The following NDUFAF7 variants were observed in gnomAD, a reference collection of about 807,000 sequenced individuals.
NDUFAF7 encodes NADH:ubiquinone oxidoreductase complex assembly factor 7.
A neutral mutation model predicts 47.2 loss-of-function variants in NDUFAF7; 48 were observed. The observed-to-expected ratio is 1.02, with a 90% CI of 0.81 to 1.29. The LOEUF is 1.29. Among genes scored for constraint, NDUFAF7 ranks in the 50% most tolerant of loss-of-function variants. The pLI, the probability that NDUFAF7 is intolerant of heterozygous loss-of-function variation, is 0.00. For missense variants in NDUFAF7, 635 were observed against 537.6 expected (o/e 1.18, Z -1.79); for synonymous variants, 217 against 190.0 (o/e 1.14, Z -1.17).
At chr2:37,267,008 T>G in the NDUFAF7 span, among the ~76,000 whole-genome samples, 1 of 152,172 alleles carries the variant, frequency 6.6e-6, no homozygotes, top group African/African-American at 2.4e-5. Flanking sequence ...ATCTTTAAAA[T>G]ACGCCCCAAT....
intron 4 of NDUFAF7, among the ~76,000 whole-genome samples, chr2:37,241,098 G>A (rs551318773): frequency 6.6e-6 from 1 of 152,150 alleles, no homozygotes; most frequent in East Asian, 1.9e-4. Context: ...GTGAAAAAAT[G>A]TGTAGCTAAA....
At chr2:37,255,987 G>A (rs1024188584), downstream of NDUFAF7, among the ~76,000 whole-genome samples, 1 of 152,284 alleles carries the variant, frequency 6.6e-6, no homozygotes. Context: ...TTCAGCCTGG[G>A]TGACAGAGGG....
At chr2:37,237,015 G>T (rs182428963) in intron 3 of NDUFAF7, among the ~76,000 whole-genome samples, 8 of 152,260 alleles carry the variant, frequency 5.3e-5, no homozygotes, top group Admixed American at 4.6e-4. Context: ...TTATTGCCCA[G>T]GCTGGAGTGT....
At chr2:37,260,122 C>T in the NDUFAF7 span, 1 of 1,074,902 alleles carries the variant, frequency 9.3e-7, no homozygotes, top group Non-Finnish European at 1.3e-6. Context: ...CCAGATTGCA[C>T]CACTGCACTC....
chr2:37,258,725 A>G, the NDUFAF7 span, among the ~76,000 whole-genome samples: 3 of 152,248 alleles, frequency 2.0e-5, no homozygotes, highest in Admixed American at 2.0e-4. Context: ...CATAAAAAGA[A>G]TATGATTACT....
At position 37,246,122 on chromosome 2, in the gene NDUFAF7, G is replaced by A. The variant is rs1048344113; in HGVS notation, c.863G>A (p.Arg288His). 6.8e-6 allele frequency: 11 copies of A among 1,613,858 alleles called. No homozygotes were observed. The highest frequency in any genetic ancestry group is 9.3e-6 in the Non-Finnish European group (11 of 1,179,860). The change falls in exon 8 of 10, where the codon CGC becomes CAC. Residue 288 changes from arginine to histidine, a missense_variant. By Grantham distance (29) the Arg-to-His change is conservative (BLOSUM62 0). Transcript: ENST00000002125. Reference protein sequence around the residue: ...AGVIIEELSQRIALTGGAALV... With the variant: ...AGVIIEELSQHIALTGGAALV... Reference sequence around the variant, plus strand: ...GTTATCATCGAGGAACTTTCTCAACGCATTGCATTAACTGGAGGTGCTGCA... The same window carrying A: ...GTTATCATCGAGGAACTTTCTCAACACATTGCATTAACTGGAGGTGCTGCA...
chr2:37,267,950 T>C, the NDUFAF7 span: 1 of 190,318 alleles, frequency 5.3e-6, no homozygotes, highest in South Asian at 1.0e-4. Flanking sequence ...TCTGGGTGTC[T>C]CTATATTCTA....
At chr2:37,253,837 A>G (rs1467917333), downstream of NDUFAF7, among the ~76,000 whole-genome samples, 1 of 152,256 alleles carries the variant, frequency 6.6e-6, no homozygotes, top group East Asian at 1.9e-4. Flanking sequence ...ATAAATCTAT[A>G]AAGTAACTTT....
downstream of NDUFAF7, among the ~76,000 whole-genome samples, chr2:37,249,574 C>T (rs779087527): frequency 5.8e-5 from 8 of 138,440 alleles, no homozygotes; most frequent in East Asian, 6.2e-4. Flanking sequence ...CACACACACA[C>T]ACACACACAC....
intron 8 of NDUFAF7, 116 bp from the exon 9 acceptor site, chr2:37,247,340 A>C (rs1355257921): frequency 5.3e-5 from 66 of 1,235,100 alleles, no homozygotes; most frequent in Non-Finnish European, 7.1e-5. Flanking sequence ...AATTAATGAG[A>C]GCTCTATTCC....
chr2:37,269,647 A>G, the NDUFAF7 span: 7 of 1,613,178 alleles, frequency 4.3e-6, no homozygotes, highest in Non-Finnish European at 5.9e-6. Flanking sequence ...GCCTGAACCA[A>G]GCACCTCATC....
At chr2:37,269,615 C>T in the NDUFAF7 span, 2 of 1,608,352 alleles carry the variant, frequency 1.2e-6, no homozygotes, top group Non-Finnish European at 1.7e-6. Context: ...AGTTGCTTAC[C>T]TCCATAAACG....
the NDUFAF7 span, among the ~76,000 whole-genome samples, chr2:37,264,695 C>T: frequency 6.6e-6 from 1 of 151,856 alleles, no homozygotes; most frequent in South Asian, 2.1e-4. Flanking sequence ...AGAAGCATGT[C>T]TGGCATGTTT....
At chr2:37,245,206 AT>A (rs1376135232) in intron 7 of NDUFAF7, among the ~76,000 whole-genome samples, 1 of 152,242 alleles carries the variant, frequency 6.6e-6, no homozygotes, top group Non-Finnish European at 1.5e-5. Context: ...AAGAGCTGAG[AT>A]TTAACTTCAT....
downstream of NDUFAF7, chr2:37,253,390 C>A (rs1357413937): frequency 1.3e-6 from 2 of 1,528,208 alleles, no homozygotes; most frequent in South Asian, 1.2e-5. Context: ...ACAAAAGAAA[C>A]AAAATACTGT....
chr2:37,244,962 T>C (rs1197835608), intron 7 of NDUFAF7, among the ~76,000 whole-genome samples: 1 of 152,170 alleles, frequency 6.6e-6, no homozygotes, highest in Admixed American at 6.5e-5. Context: ...ATGAGATGCG[T>C]GGTAATACAT....
chr2:37,237,674 A>G (rs1334748591), intron 3 of NDUFAF7, 83 bp from the exon 4 acceptor site: 1 of 1,087,798 alleles, frequency 9.2e-7, no homozygotes, highest in South Asian at 1.4e-5. Flanking sequence ...CATATAGTGC[A>G]TATTTATGTG....
At chr2:37,269,599 G>A in the NDUFAF7 span, 3 of 1,592,696 alleles carry the variant, frequency 1.9e-6, no homozygotes, top group Admixed American at 1.7e-5. Flanking sequence ...ATATGCAAAC[G>A]GCTGTAGTTG....
At chr2:37,257,671 GA>G (rs1164110574), downstream of NDUFAF7, among the ~76,000 whole-genome samples, 638 of 28,546 alleles carry the variant, frequency 0.022, 2 homozygotes, top group African/African-American at 0.079. Context: ...TGTCTCAAAA[GA>G]AAAAAAAAAA....
Sources: gnomAD v4.1 joint callset for allele counts (sites outside exome capture counted in the v4.1 genomes callset) on GRCh38, gnomAD v4.1.1 for gene constraint, MANE v1.5 for transcripts, NCBI Gene and HGNC (gene_info 2026-07-23, HGNC 2026-07-21) for gene names.